JMY: variants seen among roughly 807,000 people sequenced by gnomAD.
The protein encoded by JMY is junction mediating and regulatory protein, p53 cofactor.
JMY carries 46 observed loss-of-function variants against 103.3 expected under a neutral mutation model. The observed-to-expected ratio is 0.45, with a 90% CI of 0.35 to 0.57. The LOEUF (loss-of-function observed/expected upper bound fraction) is 0.57, where lower values mean the gene tolerates loss of function less well. Among genes scored for constraint, JMY ranks in the 20% least tolerant of loss-of-function variants. The probability of loss-of-function intolerance (pLI) is 0.00; values close to 1 mark genes in which losing one functional copy is unlikely to be tolerated. For missense variants in JMY, 1,238 were observed against 1,255.2 expected (o/e 0.99, Z 0.21); for synonymous variants, 526 against 489.3 (o/e 1.07, Z -0.99).
At position 79,289,190 on chromosome 5, in the gene JMY, G is replaced by A. The variant is rs561217181; in HGVS notation, c.1207-931G>A. Reference sequence around the variant, plus strand: ...GCGGAGGTTGCAGCAAGCCAAGATCGCACTACTGTACTCCAACCTGGACAA... The same window carrying A: ...GCGGAGGTTGCAGCAAGCCAAGATCACACTACTGTACTCCAACCTGGACAA... On this transcript the variant is annotated intron_variant, in intron 2 of 10. Transcript: ENST00000396137. Among the ~76,000 whole-genome samples the A allele has an allele frequency of 5.6e-5, 8 of 143,182 alleles. No individual in the cohort carries two copies. In the South Asian group the frequency reaches 1.5e-3, roughly 27 times the overall value. 93.9% of individuals were successfully genotyped at this position (143,182 alleles called of 152,430 possible).
In JMY at chr5:79,321,826, T is replaced by A. The variant is rs1747461566; in HGVS notation, c.*224T>A. The stretch of plus-strand genomic sequence containing the variant: ...ACATGTGCAATGTTCCTGACTGCAA[T>A]GAAGAAAAGGCCTTCTGGAGATTTC... On this transcript the variant is annotated 3_prime_UTR_variant, in exon 11 of 11. Transcript: ENST00000396137. 1 of 152,212 alleles carries A rather than the reference T, an allele frequency of 6.6e-6. No homozygotes were observed. The highest frequency in any genetic ancestry group is 1.5e-5 in the Non-Finnish European group (1 of 68,040). 9.4% of individuals were successfully genotyped at this position (152,212 alleles called of 1,614,324 possible).
intron 1 of JMY, among the ~76,000 whole-genome samples, chr5:79,268,360 C>G (rs149450192): frequency 6.6e-6 from 1 of 152,286 alleles, no homozygotes; most frequent in Admixed American, 6.5e-5. Context: ...TCCGCATCCT[C>G]TAGCATTTTC....
intron 1 of JMY, among the ~76,000 whole-genome samples, chr5:79,277,644 CA>C (rs1003796753): frequency 9.5e-4 from 132 of 139,012 alleles, no homozygotes; most frequent in African/African-American, 2.8e-3. Context: ...GTCTCAAAAA[CA>C]AAAAAAAAAG....
intron 1 of JMY, among the ~76,000 whole-genome samples, chr5:79,256,069 G>A (rs1308064718): frequency 6.6e-6 from 1 of 152,236 alleles, no homozygotes; most frequent in Non-Finnish European, 1.5e-5. Flanking sequence ...TGGAAGCCAG[G>A]GACTAGAATC....
At chr5:79,254,818 C>A (rs1221120525) in intron 1 of JMY, among the ~76,000 whole-genome samples, 1 of 151,826 alleles carries the variant, frequency 6.6e-6, no homozygotes, top group East Asian at 1.9e-4. Flanking sequence ...CCTGCAGTCA[C>A]ACTTCATTGT....
chr5:79,261,780 A>G (rs560970515), intron 1 of JMY, among the ~76,000 whole-genome samples: 153 of 152,254 alleles, frequency 1.0e-3, no homozygotes, highest in African/African-American at 3.5e-3. Context: ...GTGCACTACC[A>G]TGCCCGGCTA....
At chr5:79,261,243 T>C (rs1745411417) in intron 1 of JMY, among the ~76,000 whole-genome samples, 1 of 152,150 alleles carries the variant, frequency 6.6e-6, no homozygotes, top group Non-Finnish European at 1.5e-5. Flanking sequence ...TCTGCTAAAA[T>C]TTTACCATGG....
intron 1 of JMY, among the ~76,000 whole-genome samples, chr5:79,264,734 C>T (rs1369788140): frequency 1.3e-5 from 2 of 152,072 alleles, no homozygotes; most frequent in African/African-American, 4.8e-5. Context: ...GAAGATCATT[C>T]TGTGATTCAG....
At chr5:79,251,513 C>T (rs556603394) in intron 1 of JMY, among the ~76,000 whole-genome samples, 48 of 152,098 alleles carry the variant, frequency 3.2e-4, no homozygotes, top group Non-Finnish European at 2.8e-4. Flanking sequence ...ATAGGGAATC[C>T]GTCCCCTCAA....
At chr5:79,260,944 T>C (rs1310962128) in intron 1 of JMY, among the ~76,000 whole-genome samples, 1 of 152,032 alleles carries the variant, frequency 6.6e-6, no homozygotes, top group East Asian at 1.9e-4. Context: ...CTGGGGTAGG[T>C]TCCTTCCATC....
At chr5:79,306,589 A>G (rs1746889642) in intron 7 of JMY, 128 bp downstream of exon 7, 1 of 669,964 alleles carries the variant, frequency 1.5e-6, no homozygotes, top group Non-Finnish European at 2.6e-6. Context: ...TTATATAATG[A>G]GCAGTTTTTA....
rs897165507 is a variant in JMY at position 79,237,441 on chromosome 5, C to T, written c.791C>T (p.Ser264Leu). ...PCLPVFPEEP[S>L]GMWTVLFGGA... is the part of the protein sequence containing the mutation. ...CTGCCGGTGTTCCCCGAGGAACCTT[C>T]GGGCATGTGGACTGTGCTGTTTGGG... Residue 264 changes from serine to leucine, a missense_variant, in exon 1 of 11, where the codon TCG (serine) becomes TTG (leucine). Transcript: ENST00000396137. 1.9e-6 allele frequency: 3 copies of T among 1,613,818 alleles called. No individual in the cohort carries two copies. The highest frequency in any genetic ancestry group is 2.5e-6 in the Non-Finnish European group (3 of 1,180,016).
chr5:79,290,325 GT>G (rs2112097860), intron 3 of JMY, 54 bp downstream of exon 3: 1 of 1,239,662 alleles, frequency 8.1e-7, no homozygotes, highest in South Asian at 2.0e-5. Flanking sequence ...GAGTGGTTAA[GT>G]ATTTTATGTT....
At chr5:79,258,116 G>A (rs376937777) in intron 1 of JMY, among the ~76,000 whole-genome samples, 10 of 152,014 alleles carry the variant, frequency 6.6e-5, no homozygotes, top group African/African-American at 2.4e-4. Context: ...ACATTTTAAT[G>A]AGAGGTATGT....
chr5:79,303,720 A>C (rs1746804362), intron 6 of JMY, among the ~76,000 whole-genome samples: 1 of 152,204 alleles, frequency 6.6e-6, no homozygotes. Flanking sequence ...ATGATTCCAC[A>C]CAACAGGATG....
chr5:79,315,526 C>T (rs998276271), intron 9 of JMY, among the ~76,000 whole-genome samples: 2 of 152,018 alleles, frequency 1.3e-5, no homozygotes, highest in African/African-American at 4.8e-5. Context: ...ACCTGAAGGA[C>T]CATTCTATAA....
intron 2 of JMY, among the ~76,000 whole-genome samples, chr5:79,289,622 A>G (rs991339675): frequency 7.2e-5 from 11 of 152,144 alleles, no homozygotes; most frequent in African/African-American, 2.7e-4. Flanking sequence ...ATTTTCAGCT[A>G]TCTGAGCCAC....
intron 1 of JMY, among the ~76,000 whole-genome samples, chr5:79,247,421 A>T (rs1488906748): frequency 1.3e-5 from 2 of 151,390 alleles, no homozygotes; most frequent in Admixed American, 1.3e-4. Context: ...TCCCACTTCA[A>T]CCTTGTAGTC....
intron 1 of JMY, among the ~76,000 whole-genome samples, chr5:79,258,314 G>GTTTTTTTTT (rs35099268): frequency 1.3e-5 from 1 of 76,284 alleles, no homozygotes. Flanking sequence ...TGTTTTTGTT[G>GTTTTTTTTT]TTTTTTTTTT....
Sources: gnomAD v4.1 joint callset for allele counts (sites outside exome capture counted in the v4.1 genomes callset) on GRCh38, gnomAD v4.1.1 for gene constraint, MANE v1.5 for transcripts, NCBI Gene and HGNC (gene_info 2026-07-23, HGNC 2026-07-21) for gene names.